SYNPO: variants seen among roughly 807,000 people sequenced by gnomAD.
The protein encoded by SYNPO is synaptopodin.
In SYNPO, 19 loss-of-function variants were observed where a neutral mutation model predicts 49.5. That is an observed-to-expected ratio of 0.38 (90% CI 0.27 to 0.56). The LOEUF (loss-of-function observed/expected upper bound fraction) is 0.56. Among genes scored for constraint, SYNPO ranks in the 20% least tolerant of loss-of-function variants. The pLI is 0.68. For missense variants in SYNPO, 1,131 were observed against 1,248.3 expected (o/e 0.91, Z 1.42); for synonymous variants, 536 against 548.0 (o/e 0.98, Z 0.31).
At position 150,650,763 on chromosome 5, in the gene SYNPO, T is replaced by G. The variant is rs188861055; in HGVS notation, c.2028+460T>G. On this transcript the variant is annotated intron_variant, in intron 2 of 2. Coordinates refer to ENST00000307662, the MANE Select transcript of SYNPO (RefSeq NM_007286.6). ...CTGTGGAGTCAGCCAGCCGAGGGTC[T>G]GCCTCCTCAGCTGCCCCAGGGGGGC... 1,570 of 1,299,602 alleles carry G rather than the reference T, an allele frequency of 1.2e-3. 13 individuals carry two copies. In the African/African-American group the frequency reaches 0.02, roughly 16 times the overall value. The allele number at this position is 1,299,602 out of a possible 1,614,324, so 80.5% of individuals were successfully genotyped here.
At chr5:150,634,867 A>AC (rs34903216) in intron 2 of SYNPO, among the ~76,000 whole-genome samples, 3 of 118,306 alleles carry the variant, frequency 2.5e-5, no homozygotes, top group Non-Finnish European at 5.9e-5. Flanking sequence ...CACACACCAC[A>AC]CACACACACA....
At chr5:150,656,382 A>G (rs1221242730) in intron 2 of SYNPO, 22 bp from the exon 3 acceptor site, 1 of 1,514,300 alleles carries the variant, frequency 6.6e-7, no homozygotes, top group South Asian at 1.2e-5. Context: ...TGCCTGCCCC[A>G]CCCTCTCTGC....
rs1188892478 is a variant in SYNPO at position 150,647,182 on chromosome 5, G to T, written c.-332-762G>T. ...CACTTGAACCTGGGAGGCGGAGGTT[G>T]CAGTGAGCCGAGATTGCGCCGCTGC... is the stretch of plus-strand genomic sequence containing the variant. On this transcript the variant is annotated intron_variant, in intron 1 of 2. Coordinates refer to ENST00000307662, the MANE Select transcript of SYNPO (RefSeq NM_007286.6). Among the ~76,000 whole-genome samples the T allele has an allele frequency of 2.0e-5, 3 of 151,770 alleles. No homozygotes were observed. In the East Asian group the frequency reaches 5.8e-4, roughly 29 times the overall value.
At chr5:150,589,684 G>A in the SYNPO span, among the ~76,000 whole-genome samples, 5 of 152,216 alleles carry the variant, frequency 3.3e-5, no homozygotes, top group Admixed American at 6.5e-5. Context: ...ACAGGCCCCC[G>A]TGGTCTGGTC....
At chr5:150,619,184 C>T (rs970228644) in intron 2 of SYNPO, among the ~76,000 whole-genome samples, 1 of 152,034 alleles carries the variant, frequency 6.6e-6, no homozygotes, top group Non-Finnish European at 1.5e-5. Context: ...GCTGGGGACG[C>T]GGCACTGGAC....
At chr5:150,597,828 G>C (rs1051466513), upstream of SYNPO, among the ~76,000 whole-genome samples, 3 of 151,926 alleles carry the variant, frequency 2.0e-5, no homozygotes, top group African/African-American at 4.8e-5. Flanking sequence ...AGTAGAGACA[G>C]GGTTTCACCA....
intron 1 of SYNPO, among the ~76,000 whole-genome samples, chr5:150,615,828 C>T (rs1418007956): frequency 6.6e-6 from 1 of 152,204 alleles, no homozygotes; most frequent in Non-Finnish European, 1.5e-5. Flanking sequence ...AGCCTGGCCA[C>T]TTATTAGCTG....
At chr5:150,611,127 G>A (rs939875112) in intron 1 of SYNPO, among the ~76,000 whole-genome samples, 6 of 152,130 alleles carry the variant, frequency 3.9e-5, no homozygotes, top group African/African-American at 1.2e-4. Context: ...TTAATGACAC[G>A]TAGCACTCCC....
rs1758266091 is a variant in SYNPO, at chr5:150,649,540, C to G, written c.1265C>G (p.Ala422Gly). 6.2e-7 allele frequency: 1 copy of G among 1,610,456 alleles called. No individual in the cohort carries two copies. Among genetic ancestry groups the G allele is most frequent in the Non-Finnish European group, 8.5e-7 (1 of 1,178,640 alleles). ...GTAGGCGTGGAGGAGGAGCCCTTCG[C>G]ACTGGGGGCCGAGGCCTCCAACTTC... ...GEVGVEEEPF[A>G]LGAEASNFQQ... The change falls in exon 2 of 3, where the codon GCA (alanine) becomes GGA (glycine). Residue 422 changes from alanine to glycine, a missense_variant. Around this residue, in one of 4 missense-constraint regions of SYNPO, gnomAD observed 602 missense variants for 720.7 expected, o/e 0.84. Coordinates refer to ENST00000307662, the MANE Select transcript of SYNPO (RefSeq NM_007286.6).
At chr5:150,618,447 A>T (rs1376456911) in exon 2 of SYNPO, 2 of 1,551,642 alleles carry the variant, frequency 1.3e-6, no homozygotes, top group Admixed American at 3.9e-5. Flanking sequence ...CAGATCCCTG[A>T]TGGAAGCTAC....
intron 2 of SYNPO, among the ~76,000 whole-genome samples, chr5:150,620,921 C>CTTTCTTTCTTTCTTTCTTTT (rs1757142684): frequency 7.7e-6 from 1 of 129,114 alleles, no homozygotes; most frequent in Non-Finnish European, 1.6e-5. Context: ...TTCTTTCTTT[C>CTTTCTTTCTTTCTTTCTTTT]TTTCTTTCTT....
intron 1 of SYNPO, among the ~76,000 whole-genome samples, chr5:150,603,782 C>A (rs900075517): frequency 3.9e-5 from 6 of 152,210 alleles, no homozygotes; most frequent in Non-Finnish European, 5.9e-5. Context: ...TGCAGTGTGA[C>A]CCTAGGCAAG....
chr5:150,593,695 A>C, the SYNPO span, among the ~76,000 whole-genome samples: 1 of 152,160 alleles, frequency 6.6e-6, no homozygotes, highest in African/African-American at 2.4e-5. Flanking sequence ...TCTGGGCTCA[A>C]GTAGTCCCCC....
intron 1 of SYNPO, among the ~76,000 whole-genome samples, chr5:150,607,899 A>C (rs75596027): frequency 0.091 from 13,807 of 152,292 alleles, 1,124 homozygotes; most frequent in East Asian, 0.22. Flanking sequence ...GTTAATGAGA[A>C]ATTTTACATT....
At chr5:150,646,670 A>G (rs1758104126) in intron 1 of SYNPO, among the ~76,000 whole-genome samples, 1 of 152,092 alleles carries the variant, frequency 6.6e-6, no homozygotes, top group African/African-American at 2.4e-5. Context: ...GGCTGCAATG[A>G]GCTGAGATCT....
chr5:150,650,180 T>G lies in SYNPO; in HGVS notation c.1905T>G (p.Thr635=). The G allele has an allele frequency of 6.2e-7, 1 of 1,613,966 alleles. No homozygotes were observed. The highest frequency in any genetic ancestry group is 8.5e-7 in the Non-Finnish European group (1 of 1,180,008). Residue 635 remains threonine (T), a synonymous_variant, in exon 2 of 3, where the codon ACT becomes ACG. Transcript: ENST00000307662. The part of the protein sequence containing the change: ...TSPGQDSLQP[T]AVSPPYGGDI... ...CCGGCCAGGACAGCCTGCAGCCCAC[T>G]GCCGTGAGCCCTCCTTACGGCGGTG...
chr5:150,656,830 G>T lies in SYNPO; in HGVS notation c.2455G>T (p.Ala819Ser), dbSNP rs940196360. The T allele has an allele frequency of 2.6e-6, 4 of 1,537,670 alleles. No homozygotes were observed. Among genetic ancestry groups the T allele is most frequent in the Non-Finnish European group, 3.5e-6 (4 of 1,145,894 alleles). The change falls in exon 3 of 3, where the codon GCC becomes TCC. Residue 819 changes from alanine to serine, a missense_variant. Transcript: ENST00000307662. ...RPGSAAVPGA[A>S]FAPIPRSPLP... ...CGGCTCGGCTGCTGTGCCGGGGGCA[G>T]CCTTCGCGCCCATCCCGCGGAGCCC... is the stretch of plus-strand genomic sequence containing the variant.
chr5:150,656,982 TAA>T lies in SYNPO; in HGVS notation c.2608_2609del (p.Lys870ValfsTer87). The T allele has an allele frequency of 1.3e-6, 2 of 1,598,112 alleles. No homozygotes were observed. The highest frequency in any genetic ancestry group is 1.7e-6 in the Non-Finnish European group (2 of 1,173,412). The stretch of plus-strand genomic sequence containing the variant: ...CCCTCGACTCCGAGGACTCCGGGGC[TAA>T]GTCTCCAGGCATCCTGGGCTACAAT... ...VSLDSEDSGA[K>X]SPGILGYNIC... On this transcript the variant is annotated frameshift_variant, in exon 3 of 3. Transcript: ENST00000307662. LOFTEE classifies it high-confidence loss of function.
chr5:150,594,843 C>G, the SYNPO span, among the ~76,000 whole-genome samples: 6 of 152,136 alleles, frequency 3.9e-5, no homozygotes, highest in African/African-American at 1.4e-4. Flanking sequence ...AATGGTCGAG[C>G]AGGACTCTTG....
Sources: allele counts gnomAD v4.1 joint callset (sites outside exome capture counted in the v4.1 genomes callset), GRCh38; gene constraint gnomAD v4.1.1; regional missense constraint gnomAD v4.1.1; transcripts MANE v1.5; gene names NCBI Gene and HGNC (gene_info 2026-07-23, HGNC 2026-07-21).